KLRD1: variants seen among roughly 807,000 people sequenced by gnomAD.
KLRD1 encodes the protein natural killer cells antigen CD94.
Under a neutral mutation model 22.6 loss-of-function variants are expected in KLRD1, and 21 were observed. That is an observed-to-expected ratio of 0.93 (90% CI 0.66 to 1.34). The LOEUF is 1.34. Among genes scored for constraint, KLRD1 ranks in the 40% most tolerant of loss-of-function variants. KLRD1 has a pLI of 0.00. For missense variants in KLRD1, 183 were observed against 208.6 expected, an observed-to-expected ratio of 0.88 and a Z score of 0.76; for synonymous variants, 59 against 71.1, an observed-to-expected ratio of 0.83 and a Z score of 0.85.
rs1373410209 is a variant in KLRD1, at chr12:10,328,594, C to T, written c.*13801C>T. ...GTTATTTATATTTTCCAAAAACTAA[C>T]TCTTAGTTTTGTTTACTTTTTATAT... On this transcript the variant is annotated 3_prime_UTR_variant, in exon 6 of 6. Coordinates refer to ENST00000336164, the MANE Select transcript of KLRD1 (RefSeq NM_002262.5). 6.6e-6 allele frequency: 1 copy of T among 152,086 alleles called. No homozygotes were observed. Among genetic ancestry groups the T allele is most frequent in the Non-Finnish European group, 1.5e-5 (1 of 68,008 alleles). 9.4% of individuals were successfully genotyped at this position (152,086 alleles called of 1,614,324 possible).
intron 1 of KLRD1, among the ~76,000 whole-genome samples, chr12:10,273,896 A>T (rs865905466): frequency 6.6e-6 from 1 of 152,196 alleles, no homozygotes; most frequent in African/African-American, 2.4e-5. Context: ...ATTTATGTAA[A>T]TTATAAAAAA....
intron 1 of KLRD1, among the ~76,000 whole-genome samples, chr12:10,275,538 A>C (rs976093570): frequency 6.6e-6 from 1 of 152,190 alleles, no homozygotes; most frequent in African/African-American, 2.4e-5. Flanking sequence ...TGTTCTTTCA[A>C]CCATCGGGGG....
intron 1 of KLRD1, among the ~76,000 whole-genome samples, chr12:10,255,383 C>T (rs73251003): frequency 0.015 from 2,354 of 152,108 alleles, 55 homozygotes; most frequent in African/African-American, 0.054. Context: ...ATTTGGCTGG[C>T]GTTGGGTTTA....
upstream of KLRD1, among the ~76,000 whole-genome samples, chr12:10,303,451 TAAAG>T: frequency 6.6e-6 from 1 of 152,292 alleles, no homozygotes; most frequent in East Asian, 1.9e-4. Flanking sequence ...ACATGTTGAA[TAAAG>T]ATTTTCTTGC....
At chr12:10,305,010 C>T (rs927000479), upstream of KLRD1, among the ~76,000 whole-genome samples, 9 of 152,156 alleles carry the variant, frequency 5.9e-5, no homozygotes. Context: ...ATAAATTTTT[C>T]CCTTGGGGAT....
intron 1 of KLRD1, among the ~76,000 whole-genome samples, chr12:10,274,009 A>G (rs931708278): frequency 6.6e-6 from 1 of 152,230 alleles, no homozygotes; most frequent in Admixed American, 6.5e-5. Context: ...TTGGCCAGGC[A>G]TGGTGGCTCA....
chr12:10,268,458 C>T (rs1949520084), intron 1 of KLRD1, among the ~76,000 whole-genome samples: 1 of 152,008 alleles, frequency 6.6e-6, no homozygotes, highest in Non-Finnish European at 1.5e-5. Context: ...GAAAAGTGGA[C>T]CTGGAAATTG....
intron 1 of KLRD1, chr12:10,308,995 A>G (rs555192665): frequency 8.3e-4 from 138 of 166,596 alleles, no homozygotes; most frequent in African/African-American, 3.0e-3. Context: ...AATGAGAACC[A>G]TACTATCTAT....
upstream of KLRD1, among the ~76,000 whole-genome samples, chr12:10,305,700 A>C (rs917209976): frequency 6.6e-5 from 10 of 152,214 alleles, no homozygotes; most frequent in African/African-American, 2.4e-4. Flanking sequence ...CAGTTATTGG[A>C]GAAAAAAAGA....
chr12:10,292,563 A>G (rs898620118), intron 1 of KLRD1, among the ~76,000 whole-genome samples: 2 of 152,184 alleles, frequency 1.3e-5, no homozygotes, highest in African/African-American at 2.4e-5. Context: ...TCTGAGCACT[A>G]TGTCTCAACA....
At chr12:10,274,765 A>G (rs1174198566) in intron 1 of KLRD1, among the ~76,000 whole-genome samples, 1 of 152,152 alleles carries the variant, frequency 6.6e-6, no homozygotes, top group African/African-American at 2.4e-5. Context: ...AACTCCATAA[A>G]TTTATGTATT....
At chr12:10,310,897 G>T (rs1018509685) in intron 3 of KLRD1, among the ~76,000 whole-genome samples, 7 of 152,168 alleles carry the variant, frequency 4.6e-5, no homozygotes, top group Non-Finnish European at 1.0e-4. Context: ...GGTAACAAAC[G>T]TTGAAGACAC....
At chr12:10,240,208 G>A (rs972786671) in intron 1 of KLRD1, among the ~76,000 whole-genome samples, 2 of 151,696 alleles carry the variant, frequency 1.3e-5, no homozygotes, top group South Asian at 2.1e-4. Context: ...CCACAGGTGC[G>A]CACCATCATG....
chr12:10,274,153 G>A (rs1949572626), intron 1 of KLRD1, among the ~76,000 whole-genome samples: 1 of 152,044 alleles, frequency 6.6e-6, no homozygotes, highest in Admixed American at 6.6e-5. Flanking sequence ...GGTGGTGCAT[G>A]CCTTTAATCC....
chr12:10,294,533 G>A (rs959236662), intron 1 of KLRD1, among the ~76,000 whole-genome samples: 6 of 137,422 alleles, frequency 4.4e-5, no homozygotes, highest in Admixed American at 2.3e-4. Context: ...TGAGTAGCTG[G>A]GACTACAGGC....
chr12:10,261,816 C>T (rs951168222), intron 1 of KLRD1, among the ~76,000 whole-genome samples: 12 of 152,040 alleles, frequency 7.9e-5, no homozygotes, highest in Admixed American at 3.3e-4. Flanking sequence ...AGTGGTAATA[C>T]TTGTATCATA....
chr12:10,239,527 CTT>C lies in KLRD1; in HGVS notation c.-101+13296_-101+13297del, dbSNP rs1491413903. The stretch of plus-strand genomic sequence containing the variant: ...TTCCCTCCTTCCCTCCCCTTTCTTT[CTT>C]TCTTTCTTTCTTTCTTTCTTTCTTT... On this transcript the variant is annotated intron_variant, in intron 1 of 5. Coordinates refer to the KLRD1 transcript ENST00000544747. Among the ~76,000 whole-genome samples the C allele has an allele frequency of 1.2e-3, 46 of 38,478 alleles. 2 individuals are homozygous for C. Among genetic ancestry groups the C allele is most frequent in the African/African-American group, 4.6e-3 (41 of 8,996 alleles). 25.2% of individuals were successfully genotyped at this position (38,478 alleles called of 152,430 possible).
At chr12:10,253,499 A>C (rs2137622014) in intron 1 of KLRD1, among the ~76,000 whole-genome samples, 1 of 152,226 alleles carries the variant, frequency 6.6e-6, no homozygotes, top group East Asian at 1.9e-4. Flanking sequence ...TTTGTTGTAC[A>C]GATTATTTCA....
intron 1 of KLRD1, among the ~76,000 whole-genome samples, chr12:10,286,941 C>T (rs1227060367): frequency 6.6e-6 from 1 of 152,002 alleles, no homozygotes; most frequent in Non-Finnish European, 1.5e-5. Flanking sequence ...AGTTCGAGAC[C>T]AGCCTGGCCA....
Sources: allele counts gnomAD v4.1 joint callset (sites outside exome capture counted in the v4.1 genomes callset), GRCh38; gene constraint gnomAD v4.1.1; transcripts MANE v1.5; gene names NCBI Gene and HGNC (gene_info 2026-07-23, HGNC 2026-07-21).